The following ZNF721 variants were observed in gnomAD, a reference collection of about 807,000 sequenced individuals.
The protein encoded by ZNF721 is zinc finger protein 721.
A neutral mutation model predicts 2.4 loss-of-function variants in ZNF721; 2 were observed. That is an observed-to-expected ratio of 0.82 (90% CI 0.34 to 2.58). ZNF721 has a LOEUF of 2.58. Among genes scored for constraint, ZNF721 ranks in the 30% most tolerant of loss-of-function variants. The pLI, the probability that ZNF721 is intolerant of heterozygous loss-of-function variation, is 0.11. For missense variants in ZNF721, 1,187 were observed against 1,085.5 expected, an observed-to-expected ratio of 1.09 and a Z score of -1.31; for synonymous variants, 398 against 381.8, an observed-to-expected ratio of 1.04 and a Z score of -0.50.
intron 1 of ZNF721, among the ~76,000 whole-genome samples, chr4:488,283 T>C (rs1482023526): frequency 2.6e-5 from 4 of 152,226 alleles, no homozygotes; most frequent in Non-Finnish European, 5.9e-5. Flanking sequence ...ACGGTCTTCC[T>C]TCTGGGAACA....
In ZNF721 at chr4:493,682, C is replaced by G. The variant is rs1483462019; in HGVS notation, c.-94+5374G>C. On this transcript the variant is annotated intron_variant, in intron 1 of 2. Transcript: ENST00000511833. Reference sequence around the variant, plus strand: ...CAACAGAGGAAGATTCCATCCCCCCCGCAAAAAAAAAAAAAAAAAGGTTAT... The same window carrying G: ...CAACAGAGGAAGATTCCATCCCCCCGGCAAAAAAAAAAAAAAAAAGGTTAT... 2.3e-4 allele frequency among the ~76,000 whole-genome samples: 10 copies of G among 43,792 alleles called. No individual in the cohort carries two copies. In the East Asian group the frequency reaches 5.5e-3, roughly 24 times the overall value. 28.7% of individuals were successfully genotyped at this position (43,792 alleles called of 152,430 possible).
intron 1 of ZNF721, among the ~76,000 whole-genome samples, chr4:474,432 A>C (rs1167597552): frequency 1.3e-5 from 2 of 152,084 alleles, no homozygotes; most frequent in Non-Finnish European, 2.9e-5. Context: ...TAAATTGTGC[A>C]CGCGCGCGCG....
Position 456,908 on chromosome 4 carries a change from TGGA to T in ZNF721, c.35-12479_35-12477del, listed in dbSNP as rs531388189. On this transcript the variant is annotated intron_variant, in intron 2 of 2. Coordinates refer to ENST00000511833, the MANE Select transcript of ZNF721 (RefSeq NM_133474.4). ...AATTAATAAATTAATAAATAAATGA[TGGA>T]GGAGAACCTACATGAAAACACTCCC... Among the ~76,000 whole-genome samples, 397 of 152,134 alleles carry T rather than the reference TGGA, an allele frequency of 2.6e-3. 3 individuals carry two copies. Among genetic ancestry groups the T allele is most frequent in the African/African-American group, 8.5e-3 (355 of 41,528 alleles).
intron 1 of ZNF721, among the ~76,000 whole-genome samples, chr4:474,562 G>A (rs914433510): frequency 5.3e-5 from 8 of 152,086 alleles, no homozygotes; most frequent in Middle Eastern, 3.2e-3. Flanking sequence ...GAGATTTGAA[G>A]AGGAAAGCAA....
At chr4:496,701 T>C (rs1488894757) in intron 1 of ZNF721, among the ~76,000 whole-genome samples, 1 of 146,052 alleles carries the variant, frequency 6.8e-6, no homozygotes, top group Admixed American at 6.9e-5. Context: ...ACAAAATACA[T>C]GACTTCTTTT....
At chr4:451,709 GTCT>G (rs1200124464) in intron 2 of ZNF721, among the ~76,000 whole-genome samples, 4 of 152,202 alleles carry the variant, frequency 2.6e-5, no homozygotes, top group Non-Finnish European at 4.4e-5. Context: ...TTGTGTGTGT[GTCT>G]TCTTCTCCCC....
At chr4:481,280 A>G (rs1383226168) in intron 1 of ZNF721, among the ~76,000 whole-genome samples, 2 of 152,162 alleles carry the variant, frequency 1.3e-5, no homozygotes, top group African/African-American at 4.8e-5. Context: ...GGGCTGCATT[A>G]TTCTCTTCCA....
chr4:486,953 C>T (rs1553870528), intron 1 of ZNF721, among the ~76,000 whole-genome samples: 1 of 152,182 alleles, frequency 6.6e-6, no homozygotes, highest in African/African-American at 2.4e-5. Flanking sequence ...GTCACTCCAG[C>T]CCCTTGAAGG....
chr4:477,392 C>A (rs1398907880), intron 1 of ZNF721, among the ~76,000 whole-genome samples: 1 of 151,408 alleles, frequency 6.6e-6, no homozygotes, highest in Admixed American at 6.6e-5. Flanking sequence ...CGCCAGCCAA[C>A]ACACCCAGCT....
In ZNF721 at chr4:446,378, TTTC is replaced by T. The variant is rs1300823989; in HGVS notation, c.35-1949_35-1947del. On this transcript the variant is annotated intron_variant, in intron 2 of 2. Coordinates refer to ENST00000511833, the MANE Select transcript of ZNF721 (RefSeq NM_133474.4). Reference sequence around the variant, plus strand: ...ACGAGGACAGATGTAATGAGGAAGTTTTCTTTTTTTTTTTTTTTTTGAGACAGA... The same window carrying T: ...ACGAGGACAGATGTAATGAGGAAGTTTTTTTTTTTTTTTTTTTGAGACAGA... Among the ~76,000 whole-genome samples, 12 of 147,686 alleles carry T rather than the reference TTTC, an allele frequency of 8.1e-5. No individual in the cohort carries two copies. The East Asian group carries it at 1.6e-3, about 19-fold the overall frequency.
intron 1 of ZNF721, among the ~76,000 whole-genome samples, chr4:486,719 T>C (rs1464405673): frequency 1.3e-5 from 2 of 152,236 alleles, no homozygotes; most frequent in South Asian, 2.1e-4. Flanking sequence ...TTTGCAGATA[T>C]GATCAGTGCA....
At chr4:481,045 C>G (rs935492250) in intron 1 of ZNF721, among the ~76,000 whole-genome samples, 2 of 152,262 alleles carry the variant, frequency 1.3e-5, no homozygotes, top group South Asian at 4.1e-4. Context: ...ACTCAGCCAT[C>G]CAAGTAACTG....
chr4:472,542 G>A lies in ZNF721; in HGVS notation c.34+33C>T, dbSNP rs781966796. ...AAATAGAAAATAAAACTCAGAGGGA[G>A]TATTAGGAATTATGCATTAAAGTTA... is the stretch of plus-strand genomic sequence containing the variant. On this transcript the variant is annotated intron_variant, in intron 2 of 2. Coordinates refer to ENST00000511833, the MANE Select transcript of ZNF721 (RefSeq NM_133474.4). The A allele has an allele frequency of 1.5e-5, 23 of 1,581,650 alleles. No individual in the cohort carries two copies. The East Asian group carries it at 2.2e-4, about 15-fold the overall frequency.
Position 443,144 on chromosome 4 carries a change from T to G in ZNF721, c.1323A>C (p.Gly441=). ...ATTCTTTACATTTGTAGGGTTTATCTCCAGTATGAATTTTCTTATATTCAT... is the reference window on the plus strand; with the variant it reads ...ATTCTTTACATTTGTAGGGTTTATCGCCAGTATGAATTTTCTTATATTCAT... The part of the protein sequence containing the change: ...NLNEYKKIHT[G]DKPYKCKECG... The change falls in exon 3 of 3, where the codon GGA becomes GGC. Residue 441 remains glycine, a synonymous_variant. Coordinates refer to ENST00000511833, the MANE Select transcript of ZNF721 (RefSeq NM_133474.4). 4 of 1,613,890 alleles carry G rather than the reference T, an allele frequency of 2.5e-6. No individual in the cohort carries two copies. The highest frequency in any genetic ancestry group is 3.4e-6 in the Non-Finnish European group (4 of 1,179,866).
intron 1 of ZNF721, among the ~76,000 whole-genome samples, chr4:485,834 GCGTGCTGGT>G (rs1553870237): frequency 2.6e-5 from 4 of 152,134 alleles, no homozygotes; most frequent in Non-Finnish European, 5.9e-5. Context: ...AACTATCCAG[GCGTGCTGGT>G]GCGTGCCTAT....
chr4:478,771 T>C (rs1290915954), intron 1 of ZNF721, among the ~76,000 whole-genome samples: 1 of 53,258 alleles, frequency 1.9e-5, no homozygotes, highest in East Asian at 4.0e-4. Flanking sequence ...AAAGGTCTGA[T>C]TTTTTTTTTT....
chr4:483,750 T>C (rs1427865788), intron 1 of ZNF721, among the ~76,000 whole-genome samples: 1 of 152,212 alleles, frequency 6.6e-6, no homozygotes, highest in Non-Finnish European at 1.5e-5. Context: ...ATGTTATACA[T>C]CAATAAAAAT....
intron 2 of ZNF721, among the ~76,000 whole-genome samples, chr4:471,850 C>T (rs1202480317): frequency 6.6e-6 from 1 of 151,832 alleles, no homozygotes; most frequent in African/African-American, 2.4e-5. Flanking sequence ...AAAATATATG[C>T]ATATCAAATC....
intron 2 of ZNF721, among the ~76,000 whole-genome samples, chr4:456,102 G>T (rs982337638): frequency 7.0e-5 from 10 of 143,762 alleles, no homozygotes; most frequent in Non-Finnish European, 1.5e-4. Context: ...ATGGAGTCTC[G>T]CCCTGTCACC....
Sources: allele counts gnomAD v4.1 joint callset (sites outside exome capture counted in the v4.1 genomes callset), GRCh38; gene constraint gnomAD v4.1.1; transcripts MANE v1.5; gene names NCBI Gene and HGNC (gene_info 2026-07-23, HGNC 2026-07-21).